The following SLC38A11 variants were observed in gnomAD, a reference collection of about 807,000 sequenced individuals.
The protein encoded by SLC38A11 is putative sodium-coupled neutral amino acid transporter 11.
In SLC38A11, 51 loss-of-function variants were observed where a neutral mutation model predicts 49.4. The observed-to-expected ratio is 1.03, with a 90% CI of 0.83 to 1.30. SLC38A11 has a LOEUF of 1.30. SLC38A11 is among the 50% of genes most tolerant of loss of function. SLC38A11 has a pLI of 0.00. For synonymous variants in SLC38A11, 203 were observed against 192.9 expected (o/e 1.05, Z -0.43); for missense variants, 574 against 556.2 (o/e 1.03, Z -0.32).
At chr2:164,918,718 A>G (rs900492318) in intron 7 of SLC38A11, among the ~76,000 whole-genome samples, 10 of 152,224 alleles carry the variant, frequency 6.6e-5, no homozygotes, top group African/African-American at 2.4e-4. Flanking sequence ...AAATTTATGC[A>G]TATGGAAAAT....
intron 7 of SLC38A11, among the ~76,000 whole-genome samples, chr2:164,929,136 C>A (rs1319935737): frequency 1.3e-5 from 2 of 152,074 alleles, no homozygotes; most frequent in African/African-American, 4.8e-5. Context: ...GAAGGATATT[C>A]CAAATTCACT....
intron 11 of SLC38A11, among the ~76,000 whole-genome samples, chr2:164,904,504 T>C (rs967224148): frequency 6.6e-6 from 1 of 152,182 alleles, no homozygotes; most frequent in Non-Finnish European, 1.5e-5. Flanking sequence ...TACTAAATAG[T>C]AGCATTTCCC....
chr2:164,898,598 CCAT>C lies in SLC38A11; in HGVS notation c.1225_1227del (p.Met409del), dbSNP rs1441947263. The C allele has an allele frequency of 6.2e-7, 1 of 1,613,610 alleles. No homozygotes were observed. Among genetic ancestry groups the C allele is most frequent in the Non-Finnish European group, 8.5e-7 (1 of 1,179,742 alleles). ...GTAATAGCCATGACGAATCCAAAAA[CCAT>C]CACCACAGCACCAATGGGAAGCATG... is the stretch of plus-strand genomic sequence containing the variant. On this transcript the variant is annotated inframe_deletion, in exon 12 of 12. Transcript: ENST00000685975.
chr2:164,924,394 A>G (rs948209095), intron 7 of SLC38A11, among the ~76,000 whole-genome samples: 4 of 152,206 alleles, frequency 2.6e-5, no homozygotes, highest in Non-Finnish European at 1.5e-5. Context: ...TCACTACCAT[A>G]GTAATGACGG....
chr2:164,904,510 T>A (rs1483541408), intron 11 of SLC38A11, among the ~76,000 whole-genome samples: 1 of 152,170 alleles, frequency 6.6e-6, no homozygotes, highest in Non-Finnish European at 1.5e-5. Context: ...ATAGTAGCAT[T>A]TCCCTAACCT....
intron 4 of SLC38A11, 152 bp downstream of exon 4, chr2:164,945,441 G>C: frequency 1.6e-6 from 1 of 642,938 alleles, no homozygotes; most frequent in Non-Finnish European, 2.4e-6. Context: ...CAGAAAATAA[G>C]GGAGAAAATG....
rs373766412 is a variant in SLC38A11, at chr2:164,939,498, G to A, written c.489C>T (p.Thr163=). 10 of 1,610,666 alleles carry A rather than the reference G, an allele frequency of 6.2e-6. No homozygotes were observed. The African/African-American group carries it at 9.4e-5, about 15-fold the overall frequency. The change falls in exon 6 of 12, where the codon ACC becomes ACT. Residue 163 remains threonine, a synonymous_variant. Coordinates refer to ENST00000685975, the MANE Select transcript of SLC38A11 (RefSeq NM_001351537.2). ...RHFIIGLSTV[T]FTLPLSLYRN... Reference sequence around the variant, plus strand: ...GGTACAAGGATAAAGGCAGAGTAAAGGTAACTGTGGAAAGTCCAATAATGA... The same window carrying A: ...GGTACAAGGATAAAGGCAGAGTAAAAGTAACTGTGGAAAGTCCAATAATGA...
In SLC38A11 at chr2:164,910,305, G is replaced by A. The variant is rs574811031; in HGVS notation, c.963+1331C>T. On this transcript the variant is annotated intron_variant, in intron 10 of 11. Coordinates refer to ENST00000685975, the MANE Select transcript of SLC38A11 (RefSeq NM_001351537.2). ...AGTGACTCAGATCGTCTGCAGGCAG[G>A]CAGTTTACTAGCAACCACGTGAGAA... Among the ~76,000 whole-genome samples the A allele has an allele frequency of 1.2e-4, 18 of 152,202 alleles. No individual in the cohort carries two copies. The South Asian group carries it at 3.5e-3, about 30-fold the overall frequency.
At chr2:164,904,406 A>G (rs1310738562) in intron 11 of SLC38A11, among the ~76,000 whole-genome samples, 2 of 152,124 alleles carry the variant, frequency 1.3e-5, no homozygotes, top group Non-Finnish European at 2.9e-5. Flanking sequence ...TACTGACATG[A>G]AAACAAGAAA....
chr2:164,905,375 G>A (rs891893395), intron 11 of SLC38A11, among the ~76,000 whole-genome samples: 7 of 151,948 alleles, frequency 4.6e-5, no homozygotes, highest in African/African-American at 7.2e-5. Context: ...CAGGTGATCC[G>A]CCTGCTTTGG....
chr2:164,932,081 AT>A (rs1363858696), intron 7 of SLC38A11, among the ~76,000 whole-genome samples: 33 of 152,056 alleles, frequency 2.2e-4, no homozygotes, highest in African/African-American at 8.0e-4. Flanking sequence ...CAAGAAAAAA[AT>A]AAACCATTAA....
At chr2:164,928,494 C>G (rs1354823241) in intron 7 of SLC38A11, among the ~76,000 whole-genome samples, 1 of 152,246 alleles carries the variant, frequency 6.6e-6, no homozygotes, top group East Asian at 1.9e-4. Flanking sequence ...CTTTGTTAGA[C>G]ACTTTGCTGA....
At chr2:164,936,290 C>T (rs1302124486) in intron 7 of SLC38A11, among the ~76,000 whole-genome samples, 3 of 151,734 alleles carry the variant, frequency 2.0e-5, no homozygotes, top group Admixed American at 6.6e-5. Context: ...CCCCAATTAG[C>T]TTGAGGCCTT....
chr2:164,939,001 G>T lies in SLC38A11; in HGVS notation c.537+449C>A, dbSNP rs538621908. 3.9e-5 allele frequency among the ~76,000 whole-genome samples: 6 copies of T among 152,028 alleles called. No homozygotes were observed. In the South Asian group the frequency reaches 8.3e-4, roughly 21 times the overall value. ...TCAAAAATTGACCAATCAACACATT[G>T]CAAATTAAATTCACTGGATGAAAAA... On this transcript the variant is annotated intron_variant, in intron 6 of 11. Transcript: ENST00000685975.
intron 7 of SLC38A11, among the ~76,000 whole-genome samples, chr2:164,934,467 C>T (rs1176399301): frequency 1.2e-4 from 18 of 152,096 alleles, no homozygotes; most frequent in Non-Finnish European, 2.9e-5. Context: ...TGCCTGGCCC[C>T]TAGATCAATT....
intron 11 of SLC38A11, among the ~76,000 whole-genome samples, chr2:164,899,547 G>A (rs1181951533): frequency 6.6e-6 from 1 of 152,004 alleles, no homozygotes; most frequent in Non-Finnish European, 1.5e-5. Flanking sequence ...AACATTTAAT[G>A]CATTTTAGGT....
intron 3 of SLC38A11, among the ~76,000 whole-genome samples, chr2:164,946,828 T>C (rs1391917391): frequency 3.9e-5 from 6 of 152,108 alleles, no homozygotes; most frequent in Non-Finnish European, 4.4e-5. Context: ...TGCAATATGG[T>C]TTCCCCCTGA....
rs1206859555 is a variant in SLC38A11 at position 164,894,640 on chromosome 2, G to A, written c.*3797C>T. ...TGAGTGCTGGCAGGCTCAGAACCAG[G>A]CCTGCAGCTTAACCAGCATAACTGT... On this transcript the variant is annotated 3_prime_UTR_variant, in exon 12 of 12. Coordinates refer to ENST00000685975, the MANE Select transcript of SLC38A11 (RefSeq NM_001351537.2). 6.6e-6 allele frequency among the ~76,000 whole-genome samples: 1 copy of A among 152,068 alleles called. No individual in the cohort carries two copies. Among genetic ancestry groups the A allele is most frequent in the East Asian group, 1.9e-4 (1 of 5,170 alleles).
intron 2 of SLC38A11, 147 bp downstream of exon 2, chr2:164,954,484 A>G (rs1688719379): frequency 4.1e-6 from 2 of 483,260 alleles, no homozygotes; most frequent in Non-Finnish European, 7.5e-6. Flanking sequence ...TACACTAGAA[A>G]AAAAGGAAGC....
Sources: gnomAD v4.1 joint callset for allele counts (sites outside exome capture counted in the v4.1 genomes callset) on GRCh38, gnomAD v4.1.1 for gene constraint, MANE v1.5 for transcripts, NCBI Gene and HGNC (gene_info 2026-07-23, HGNC 2026-07-21) for gene names.